LGSN: variants seen among roughly 807,000 people sequenced by gnomAD.
LGSN encodes the protein lengsin.
A neutral mutation model predicts 19.5 loss-of-function variants in LGSN; 21 were observed. The ratio of observed to expected loss-of-function variants is 1.07; its 90% CI spans 0.76 to 1.55. The LOEUF (loss-of-function observed/expected upper bound fraction) is 1.55, where lower values mean the gene tolerates loss of function less well. Ranked by LOEUF, LGSN falls within the 40% of genes most tolerant of loss-of-function variation. The probability of loss-of-function intolerance (pLI) is 0.00; values close to 1 mark genes in which losing one functional copy is unlikely to be tolerated. For missense variants in LGSN, 673 were observed against 608.5 expected, an observed-to-expected ratio of 1.11 and a Z score of -1.12; for synonymous variants, 257 against 215.6, an observed-to-expected ratio of 1.19 and a Z score of -1.68.
chr6:63,385,107 G>T, the LGSN span, among the ~76,000 whole-genome samples: 1 of 152,174 alleles, frequency 6.6e-6, no homozygotes, highest in South Asian at 2.1e-4. Flanking sequence ...GTGGTATTTG[G>T]TTATGGCAGC....
At chr6:63,287,140 G>A (rs1767570255) in intron 2 of LGSN, among the ~76,000 whole-genome samples, 1 of 151,936 alleles carries the variant, frequency 6.6e-6, no homozygotes, top group Non-Finnish European at 1.5e-5. Context: ...TTTTAAGTAT[G>A]AAGCATGGGA....
the LGSN span, chr6:63,481,728 C>A: frequency 5.0e-6 from 1 of 201,820 alleles, no homozygotes. Context: ...TAGTCTGGGG[C>A]TCCTCTCAAC....
At chr6:63,367,796 A>G in the LGSN span, among the ~76,000 whole-genome samples, 4 of 151,630 alleles carry the variant, frequency 2.6e-5, no homozygotes, top group East Asian at 1.9e-4. Context: ...TTGTAGGGAC[A>G]TGGATGAAGC....
chr6:63,411,744 G>A, the LGSN span, among the ~76,000 whole-genome samples: 4 of 152,182 alleles, frequency 2.6e-5, no homozygotes, highest in Admixed American at 6.5e-5. Context: ...GGATGTTGAA[G>A]CACAAGAATC....
the LGSN span, among the ~76,000 whole-genome samples, chr6:63,493,731 A>T: frequency 6.6e-6 from 1 of 152,100 alleles, no homozygotes; most frequent in South Asian, 2.1e-4. Flanking sequence ...TATTTGTCTG[A>T]CACTTCTAAG....
the LGSN span, among the ~76,000 whole-genome samples, chr6:63,446,243 CAAAAAAAAA>C: frequency 2.7e-5 from 2 of 74,744 alleles, no homozygotes; most frequent in African/African-American, 1.1e-4. Context: ...GACTGTGTCT[CAAAAAAAAA>C]AAAAAAAAAA....
chr6:63,326,794 G>C, the LGSN span, among the ~76,000 whole-genome samples: 3 of 152,046 alleles, frequency 2.0e-5, no homozygotes, highest in Non-Finnish European at 4.4e-5. Context: ...CAGCTGGCCC[G>C]CAAGTGCCGT....
chr6:63,553,182 C>G, the LGSN span, among the ~76,000 whole-genome samples: 1 of 152,178 alleles, frequency 6.6e-6, no homozygotes, highest in African/African-American at 2.4e-5. Flanking sequence ...TTTGCCTCAT[C>G]AAATAAGTCC....
At chr6:63,519,225 G>C in the LGSN span, among the ~76,000 whole-genome samples, 1 of 151,766 alleles carries the variant, frequency 6.6e-6, no homozygotes, top group Non-Finnish European at 1.5e-5. Flanking sequence ...GAGAATCACT[G>C]AAACCTGGGA....
the LGSN span, among the ~76,000 whole-genome samples, chr6:63,344,785 A>G: frequency 2.0e-5 from 3 of 152,334 alleles, no homozygotes; most frequent in Admixed American, 6.5e-5. Context: ...CCCAAAGGAA[A>G]ACAAAAAGTT....
At chr6:63,390,661 C>T in the LGSN span, among the ~76,000 whole-genome samples, 1 of 151,160 alleles carries the variant, frequency 6.6e-6, no homozygotes, top group Non-Finnish European at 1.5e-5. Context: ...TCGAGACCAT[C>T]CTGGCTAACA....
At chr6:63,407,485 C>T in the LGSN span, among the ~76,000 whole-genome samples, 3 of 152,162 alleles carry the variant, frequency 2.0e-5, no homozygotes, top group African/African-American at 4.8e-5. Context: ...AACAGCGCTT[C>T]ATGCTAAAAA....
the LGSN span, among the ~76,000 whole-genome samples, chr6:63,393,712 C>T: frequency 6.6e-6 from 1 of 152,154 alleles, no homozygotes; most frequent in Non-Finnish European, 1.5e-5. Flanking sequence ...CTCAGAAGTC[C>T]CCTCTCTCTC....
At chr6:63,544,114 T>G in the LGSN span, among the ~76,000 whole-genome samples, 81,530 of 151,980 alleles carry the variant, frequency 0.54, 23,607 homozygotes, top group African/African-American at 0.77. Flanking sequence ...TACTTACAAT[T>G]GTGGGGAGTA....
the LGSN span, among the ~76,000 whole-genome samples, chr6:63,400,454 G>A: frequency 3.3e-5 from 5 of 152,200 alleles, no homozygotes; most frequent in Admixed American, 1.3e-4. Context: ...AGGCCATCTC[G>A]CTAGATAACA....
chr6:63,476,140 G>A, the LGSN span, among the ~76,000 whole-genome samples: 1 of 151,992 alleles, frequency 6.6e-6, no homozygotes, highest in African/African-American at 2.4e-5. Flanking sequence ...ATAAGAGAGA[G>A]GCTTAAGGAG....
chr6:63,555,415 G>A, the LGSN span, among the ~76,000 whole-genome samples: 3 of 152,168 alleles, frequency 2.0e-5, no homozygotes. Flanking sequence ...AATTGCTGAT[G>A]GCCAAAAAGT....
the LGSN span, chr6:63,441,049 T>C: frequency 5.9e-4 from 101 of 171,074 alleles, no homozygotes; most frequent in East Asian, 4.5e-3. Context: ...TCTACTAAAA[T>C]ACAAAAAAAA....
the LGSN span, among the ~76,000 whole-genome samples, chr6:63,514,717 T>G: frequency 6.6e-6 from 1 of 152,168 alleles, no homozygotes; most frequent in East Asian, 1.9e-4. Context: ...GCTTTTTGTT[T>G]GTTTGTTTGT....
Sources: allele counts gnomAD v4.1 joint callset (sites outside exome capture counted in the v4.1 genomes callset), GRCh38; gene constraint gnomAD v4.1.1; transcripts MANE v1.5; gene names NCBI Gene and HGNC (gene_info 2026-07-23, HGNC 2026-07-21).